The following HYCC1 variants were observed in gnomAD, a reference collection of about 807,000 sequenced individuals.
The protein encoded by HYCC1 is hyccin PI4KA lipid kinase complex subunit 1.
chr7:22,960,299 T>C, the HYCC1 span: 3 of 1,613,638 alleles, frequency 1.9e-6, no homozygotes, highest in African/African-American at 4.0e-5. Context: ...TGCTGGTTAC[T>C]GCATTTCTTG....
the HYCC1 span, among the ~76,000 whole-genome samples, chr7:22,933,531 G>T: frequency 6.6e-6 from 1 of 151,642 alleles, no homozygotes; most frequent in Admixed American, 6.6e-5. Flanking sequence ...TAGCACTTTG[G>T]ATCCTTTTAT....
At chr7:22,927,298 C>G in the HYCC1 span, among the ~76,000 whole-genome samples, 715 of 152,120 alleles carry the variant, frequency 4.7e-3, 7 homozygotes, top group African/African-American at 0.016. Flanking sequence ...CAAACACATT[C>G]AAAAGCTAGC....
chr7:22,925,452 G>A, the HYCC1 span, among the ~76,000 whole-genome samples: 1 of 152,126 alleles, frequency 6.6e-6, no homozygotes, highest in Non-Finnish European at 1.5e-5. Context: ...TAGACAAATG[G>A]CTAACTAGAA....
the HYCC1 span, among the ~76,000 whole-genome samples, chr7:22,913,116 C>T: frequency 2.9e-5 from 4 of 135,812 alleles, no homozygotes; most frequent in African/African-American, 1.0e-4. Flanking sequence ...AAGAGCGAAA[C>T]TCCATCTTGG....
At chr7:22,906,297 A>G in the HYCC1 span, among the ~76,000 whole-genome samples, 1 of 152,158 alleles carries the variant, frequency 6.6e-6, no homozygotes, top group Non-Finnish European at 1.5e-5. Flanking sequence ...CAGCTATGAA[A>G]GAATGATACA....
At chr7:22,952,207 A>C in the HYCC1 span, among the ~76,000 whole-genome samples, 1 of 152,022 alleles carries the variant, frequency 6.6e-6, no homozygotes, top group Non-Finnish European at 1.5e-5. Flanking sequence ...AAACAAGATA[A>C]TTTAAATAGC....
chr7:23,000,001 A>T, the HYCC1 span, among the ~76,000 whole-genome samples: 27 of 152,260 alleles, frequency 1.8e-4, no homozygotes, highest in East Asian at 3.9e-3. Flanking sequence ...ACTATAAAAG[A>T]TTATAAAAAT....
the HYCC1 span, among the ~76,000 whole-genome samples, chr7:22,975,668 G>A: frequency 2.6e-5 from 4 of 152,094 alleles, no homozygotes; most frequent in Non-Finnish European, 4.4e-5. Context: ...CAATTTAAAC[G>A]TTATTCAGCT....
the HYCC1 span, among the ~76,000 whole-genome samples, chr7:22,988,134 A>G: frequency 1.3e-5 from 2 of 152,178 alleles, no homozygotes; most frequent in African/African-American, 4.8e-5. Flanking sequence ...ACACACATTA[A>G]CCCAATTTAG....
the HYCC1 span, among the ~76,000 whole-genome samples, chr7:23,005,052 G>A: frequency 3.9e-5 from 6 of 152,126 alleles, no homozygotes; most frequent in African/African-American, 1.2e-4. Flanking sequence ...CGATCCGCCC[G>A]CCTTGGCCTC....
At chr7:22,983,599 T>A in the HYCC1 span, among the ~76,000 whole-genome samples, 1 of 152,216 alleles carries the variant, frequency 6.6e-6, no homozygotes, top group African/African-American at 2.4e-5. Context: ...TCTTTCAGGA[T>A]AAAAACCATG....
At chr7:22,982,787 T>C in the HYCC1 span, among the ~76,000 whole-genome samples, 2 of 152,076 alleles carry the variant, frequency 1.3e-5, no homozygotes, top group African/African-American at 2.4e-5. Flanking sequence ...GCAAAAAAAG[T>C]CTAAACTGCT....
At chr7:22,944,438 T>C in the HYCC1 span, 3 of 152,182 alleles carry the variant, frequency 2.0e-5, no homozygotes, top group African/African-American at 4.8e-5. Flanking sequence ...ACTAAATTGA[T>C]TATTCTTTTG....
the HYCC1 span, among the ~76,000 whole-genome samples, chr7:23,006,114 C>A: frequency 6.6e-6 from 1 of 152,022 alleles, no homozygotes; most frequent in Non-Finnish European, 1.5e-5. Context: ...TCAGATTGTC[C>A]CCATAGGAAG....
the HYCC1 span, among the ~76,000 whole-genome samples, chr7:23,002,152 A>ATATATATATATATATACAAT: frequency 4.2e-5 from 1 of 23,612 alleles, no homozygotes; most frequent in African/African-American, 2.4e-4. Context: ...ATATATATAT[A>ATATATATATATATATACAAT]TATATATATA....
At chr7:22,896,804 C>T in the HYCC1 span, among the ~76,000 whole-genome samples, 1 of 152,126 alleles carries the variant, frequency 6.6e-6, no homozygotes, top group Non-Finnish European at 1.5e-5. Context: ...TAGCTCTGAA[C>T]ATTGGACAAG....
At chr7:22,930,016 A>G in the HYCC1 span, among the ~76,000 whole-genome samples, 3 of 152,166 alleles carry the variant, frequency 2.0e-5, no homozygotes, top group Non-Finnish European at 4.4e-5. Flanking sequence ...GCAGCCATAA[A>G]AAATGATGAG....
At chr7:22,942,893 T>C in the HYCC1 span, 143 of 152,314 alleles carry the variant, frequency 9.4e-4, no homozygotes, top group African/African-American at 3.1e-3. Flanking sequence ...TTTGAAATAG[T>C]ATCAAAGGAA....
At chr7:22,962,490 AC>A in the HYCC1 span, among the ~76,000 whole-genome samples, 4 of 152,130 alleles carry the variant, frequency 2.6e-5, no homozygotes, top group South Asian at 8.3e-4. Flanking sequence ...ATCACACAGA[AC>A]AAAAATTTTA....
Sources: gnomAD v4.1 joint callset for allele counts (sites outside exome capture counted in the v4.1 genomes callset) on GRCh38, gnomAD v4.1.1 for gene constraint, MANE v1.5 for transcripts, NCBI Gene and HGNC (gene_info 2026-07-23, HGNC 2026-07-21) for gene names.